DIP2B: variants seen among roughly 807,000 people sequenced by gnomAD.
The protein encoded by DIP2B is DIP2 acetate--CoA ligase B (putative).
In DIP2B, 76 loss-of-function variants were observed where a neutral mutation model predicts 198.0. The observed-to-expected ratio is 0.38, with a 90% CI of 0.32 to 0.46. The LOEUF is 0.46. DIP2B is among the 20% of genes least tolerant of loss of function. The pLI is 0.99. For synonymous variants in DIP2B, 701 were observed against 739.1 expected, an observed-to-expected ratio of 0.95 and a Z score of 0.84; for missense variants, 1,559 against 1,978.4, an observed-to-expected ratio of 0.79 and a Z score of 4.02.
At chr12:50,711,128 A>G (rs1347592041) in intron 22 of DIP2B, among the ~76,000 whole-genome samples, 1 of 152,180 alleles carries the variant, frequency 6.6e-6, no homozygotes, top group East Asian at 1.9e-4. Flanking sequence ...TACTAATCCA[A>G]ACTCTTGTGA....
At chr12:50,507,866 G>A (rs1417862722) in intron 1 of DIP2B, among the ~76,000 whole-genome samples, 1 of 152,034 alleles carries the variant, frequency 6.6e-6, no homozygotes, top group African/African-American at 2.4e-5. Flanking sequence ...ATGCCTTGCT[G>A]ACATTGGTGC....
At chr12:50,654,379 G>T (rs572938899) in intron 3 of DIP2B, among the ~76,000 whole-genome samples, 2 of 147,998 alleles carry the variant, frequency 1.4e-5, no homozygotes, top group South Asian at 4.2e-4. Context: ...TTTAAAGATA[G>T]AGTGTAACTC....
Position 50,543,225 on chromosome 12 carries a change from AAATT to A in DIP2B, c.100+37992_100+37995del, listed in dbSNP as rs533267552. 1.2e-4 allele frequency among the ~76,000 whole-genome samples: 18 copies of A among 152,010 alleles called. 1 individual carries two copies. The South Asian group carries it at 2.5e-3, about 21-fold the overall frequency. ...CCTCCACCAAGATAGAGTCATGGGT[AAATT>A]AATTAAGGTTAAGAGACAATTTCAA... On this transcript the variant is annotated intron_variant, in intron 1 of 37. Coordinates refer to ENST00000301180, the MANE Select transcript of DIP2B (RefSeq NM_173602.3).
At chr12:50,722,439 A>G (rs541058630) in intron 26 of DIP2B, among the ~76,000 whole-genome samples, 1 of 152,152 alleles carries the variant, frequency 6.6e-6, no homozygotes, top group African/African-American at 2.4e-5. Flanking sequence ...TTTTTAGTAG[A>G]GATGGGGTTT....
rs1940339710 is a variant in DIP2B at position 50,746,250 on chromosome 12, G to A, written c.*1411G>A. 1 of 152,102 alleles carries A rather than the reference G, an allele frequency of 6.6e-6. No homozygotes were observed. Among genetic ancestry groups the A allele is most frequent in the South Asian group, 2.1e-4 (1 of 4,832 alleles). 9.4% of individuals were successfully genotyped at this position (152,102 alleles called of 1,614,324 possible). ...TCTTAACAGAAATATTTTTAAAAAT[G>A]AAAAAGTACTCAAAAGTGAGAAGAG... On this transcript the variant is annotated 3_prime_UTR_variant, in exon 38 of 38. Transcript: ENST00000301180.
intron 13 of DIP2B, among the ~76,000 whole-genome samples, chr12:50,692,706 G>A (rs1939242676): frequency 6.6e-6 from 1 of 152,082 alleles, no homozygotes; most frequent in Non-Finnish European, 1.5e-5. Flanking sequence ...GCATGGTGGT[G>A]TATGCCTGTA....
At chr12:50,629,074 GT>G (rs1360086728) in intron 2 of DIP2B, among the ~76,000 whole-genome samples, 14 of 152,118 alleles carry the variant, frequency 9.2e-5, no homozygotes, top group African/African-American at 3.4e-4. Context: ...TAGAGACAGG[GT>G]TTTGCCATGT....
intron 1 of DIP2B, among the ~76,000 whole-genome samples, chr12:50,574,568 G>GAC (rs34177466): frequency 0.27 from 41,420 of 152,118 alleles, 5,960 homozygotes; most frequent in East Asian, 0.39. Context: ...AGCATGAACA[G>GAC]ACTATTTATC....
chr12:50,708,251 A>G (rs924722474), intron 21 of DIP2B, among the ~76,000 whole-genome samples, 197 bp from the exon 22 acceptor site: 4 of 152,238 alleles, frequency 2.6e-5, no homozygotes, highest in African/African-American at 9.6e-5. Context: ...CCCAACATTC[A>G]TGACAGTTGT....
chr12:50,600,866 CTTACCACCATCACCACCA>C (rs1253536325), intron 1 of DIP2B, among the ~76,000 whole-genome samples: 2 of 151,028 alleles, frequency 1.3e-5, no homozygotes, highest in Non-Finnish European at 3.0e-5. Context: ...TCCTCCTGGT[CTTACCACCATCACCACCA>C]TGACCACCAT....
Position 50,674,618 on chromosome 12 carries a change from A to T in DIP2B, c.785A>T (p.Asp262Val). ...HKGSNRSSLM[D>V]TADGVPVSSR... ...GGATCCAACAGGTCCAGCCTTATGG[A>T]TACAGCTGATGGTAAGGAGTTGTTT... Residue 262 changes from aspartate to valine, a missense_variant, in exon 6 of 38, where the codon GAT (aspartate) becomes GTT (valine). By Grantham distance (152) the Asp-to-Val change is radical. Coordinates refer to ENST00000301180, the MANE Select transcript of DIP2B (RefSeq NM_173602.3). 1 of 1,614,170 alleles carries T rather than the reference A, an allele frequency of 6.2e-7. No homozygotes were observed. The highest frequency in any genetic ancestry group is 8.5e-7 in the Non-Finnish European group (1 of 1,180,008).
At chr12:50,703,078 C>A (rs888495540) in intron 19 of DIP2B, among the ~76,000 whole-genome samples, 3 of 151,978 alleles carry the variant, frequency 2.0e-5, no homozygotes, top group Non-Finnish European at 4.4e-5. Context: ...TAAAAATTAG[C>A]TAGGCGTGGT....
chr12:50,603,081 G>A (rs527547538), intron 1 of DIP2B, among the ~76,000 whole-genome samples: 117 of 148,938 alleles, frequency 7.9e-4, no homozygotes, highest in South Asian at 7.6e-3. Flanking sequence ...GGAGAATGGC[G>A]TGAACCCGGG....
At chr12:50,505,640 C>T (rs1434672333) in intron 1 of DIP2B, among the ~76,000 whole-genome samples, 4 of 151,990 alleles carry the variant, frequency 2.6e-5, no homozygotes, top group African/African-American at 7.3e-5. Context: ...TGGAGGGCTC[C>T]ACGCCTTGTT....
chr12:50,575,386 G>C (rs908408550), intron 1 of DIP2B, among the ~76,000 whole-genome samples: 1 of 134,320 alleles, frequency 7.4e-6, no homozygotes, highest in African/African-American at 2.7e-5. Context: ...TTTTTGTTTT[G>C]TTTTGTTTTT....
rs201036769 is a variant in DIP2B, at chr12:50,734,123, G to T, written c.3982-12G>T. On this transcript the variant is annotated splice_polypyrimidine_tract_variant and intron_variant, in intron 32 of 37. Transcript: ENST00000301180. ...GAAATTCTAAACAACGCATTGATTT[G>T]TCTTTCTTTAGGGAACCTCAGGGCC... 2 of 1,613,870 alleles carry T rather than the reference G, an allele frequency of 1.2e-6. No homozygotes were observed. Among genetic ancestry groups the T allele is most frequent in the Admixed American group, 3.3e-5 (2 of 59,934 alleles).
chr12:50,668,746 T>C (rs941425756), intron 4 of DIP2B, among the ~76,000 whole-genome samples: 2 of 152,212 alleles, frequency 1.3e-5, no homozygotes, highest in African/African-American at 4.8e-5. Context: ...GAAAATACTT[T>C]ATTCTTAAGG....
chr12:50,529,607 G>T (rs1958197798), intron 1 of DIP2B, among the ~76,000 whole-genome samples: 1 of 152,202 alleles, frequency 6.6e-6, no homozygotes, highest in African/African-American at 2.4e-5. Flanking sequence ...GTTGTGCCTT[G>T]TGGCCACACC....
intron 3 of DIP2B, among the ~76,000 whole-genome samples, chr12:50,658,524 A>G (rs1382514116): frequency 1.3e-5 from 2 of 152,230 alleles, no homozygotes; most frequent in Admixed American, 6.5e-5. Context: ...ATTTCTGAAG[A>G]AATAAGTACA....
Sources: gnomAD v4.1 joint callset for allele counts (sites outside exome capture counted in the v4.1 genomes callset) on GRCh38, gnomAD v4.1.1 for gene constraint, MANE v1.5 for transcripts, NCBI Gene and HGNC (gene_info 2026-07-23, HGNC 2026-07-21) for gene names.